VIT: variants seen among roughly 807,000 people sequenced by gnomAD.
VIT encodes the protein vitrin.
A neutral mutation model predicts 78.0 loss-of-function variants in VIT; 99 were observed. The observed-to-expected ratio is 1.27, with a 90% CI of 1.08 to 1.50. The LOEUF is 1.50. Ranked by LOEUF, VIT falls within the 40% of genes most tolerant of loss-of-function variation. VIT has a pLI of 0.00. For missense variants in VIT, 1,126 were observed against 875.3 expected (o/e 1.29, Z -3.61); for synonymous variants, 374 against 334.3 (o/e 1.12, Z -1.29).
chr2:36,699,626 G>GTAGATAGATAGATAGA lies in VIT; in HGVS notation c.-19+2680_-19+2695dup, dbSNP rs10530448. 3.1e-3 allele frequency among the ~76,000 whole-genome samples: 447 copies of GTAGATAGATAGATAGA among 141,962 alleles called. 3 individuals carry two copies. The highest frequency in any genetic ancestry group is 4.2e-3 in the East Asian group (20 of 4,728). The allele number at this position is 141,962 out of a possible 152,430, so 93.1% of individuals were successfully genotyped here. On this transcript the variant is annotated intron_variant, in intron 1 of 15. Transcript: ENST00000379242. Reference sequence around the variant, plus strand: ...GATATAGATATAGATAGATATATAGGTAGATAGATAGATAGATAGATAGAT... The same window carrying GTAGATAGATAGATAGA: ...GATATAGATATAGATAGATATATAGGTAGATAGATAGATAGATAGATAGATAGATAGATAGATAGAT...
At chr2:36,799,191 G>C (rs532917778) in intron 12 of VIT, among the ~76,000 whole-genome samples, 1 of 152,148 alleles carries the variant, frequency 6.6e-6, no homozygotes, top group Non-Finnish European at 1.5e-5. Flanking sequence ...TTGAGATAGA[G>C]AGCAGTTTGG....
rs1191264576 is a variant in VIT at position 36,814,398 on chromosome 2, AC to A, written c.*38del. On this transcript the variant is annotated 3_prime_UTR_variant, in exon 16 of 16. Transcript: ENST00000379242. ...GCAGAGCACCAGCAAGTGCTGCTTT[AC>A]TAACTGACGTGTTGGACCACCCCAC... is the stretch of plus-strand genomic sequence containing the variant. 2 of 1,609,520 alleles carry A rather than the reference AC, an allele frequency of 1.2e-6. No individual in the cohort carries two copies. The highest frequency in any genetic ancestry group is 2.2e-5 in the South Asian group (2 of 90,598).
chr2:36,812,743 A>C (rs1667268364), intron 15 of VIT, among the ~76,000 whole-genome samples: 1 of 152,068 alleles, frequency 6.6e-6, no homozygotes. Flanking sequence ...TGCTGACCCC[A>C]CATGCTCACT....
intron 1 of VIT, among the ~76,000 whole-genome samples, chr2:36,715,817 T>C (rs1451179258): frequency 6.6e-6 from 1 of 152,212 alleles, no homozygotes; most frequent in Non-Finnish European, 1.5e-5. Flanking sequence ...CATTCTCTTA[T>C]GCAATTTAAC....
At chr2:36,754,857 G>A (rs1668667362) in intron 4 of VIT, 64 bp from the exon 5 acceptor site, 16 of 1,553,304 alleles carry the variant, frequency 1.0e-5, no homozygotes, top group African/African-American at 1.4e-5. Flanking sequence ...TGGTTTTCTA[G>A]CCTGTTGATC....
intron 14 of VIT, among the ~76,000 whole-genome samples, chr2:36,806,571 G>A (rs1666743182): frequency 6.6e-6 from 1 of 151,906 alleles, no homozygotes; most frequent in African/African-American, 2.4e-5. Flanking sequence ...TTTTCAGACG[G>A]AGTCTCACTC....
intron 2 of VIT, among the ~76,000 whole-genome samples, chr2:36,727,430 C>T (rs557844116): frequency 2.6e-5 from 4 of 152,280 alleles, no homozygotes; most frequent in Admixed American, 2.0e-4. Flanking sequence ...AGACAGAGTA[C>T]AGGAAGGGCC....
chr2:36,774,186 T>C (rs1408301243), intron 8 of VIT, among the ~76,000 whole-genome samples: 1 of 152,064 alleles, frequency 6.6e-6, no homozygotes, highest in African/African-American at 2.4e-5. Context: ...CGAAGGGAAA[T>C]TTGTATCATC....
At chr2:36,770,092 C>T (rs999806445) in intron 7 of VIT, among the ~76,000 whole-genome samples, 1 of 152,190 alleles carries the variant, frequency 6.6e-6, no homozygotes, top group African/African-American at 2.4e-5. Flanking sequence ...GCAAAAGGTT[C>T]TAGAACTGGT....
At chr2:36,737,316 G>A (rs999826896) in intron 3 of VIT, among the ~76,000 whole-genome samples, 4 of 152,162 alleles carry the variant, frequency 2.6e-5, no homozygotes, top group Non-Finnish European at 5.9e-5. Flanking sequence ...CAGCTGGAAG[G>A]TGGATTAGGA....
intron 2 of VIT, among the ~76,000 whole-genome samples, chr2:36,728,996 G>A (rs1033705777): frequency 2.0e-5 from 3 of 151,944 alleles, no homozygotes; most frequent in Admixed American, 6.6e-5. Flanking sequence ...TTCATGCTAA[G>A]TGTCCTCTAA....
intron 13 of VIT, 121 bp downstream of exon 13, chr2:36,801,525 T>C (rs1280007728): frequency 2.2e-6 from 2 of 892,494 alleles, no homozygotes; most frequent in Non-Finnish European, 1.7e-6. Flanking sequence ...AAATAACTTC[T>C]GGTCGGGCGT....
chr2:36,771,957 T>A (rs1309647360), intron 7 of VIT, among the ~76,000 whole-genome samples: 2 of 152,168 alleles, frequency 1.3e-5, no homozygotes, highest in Admixed American at 1.3e-4. Flanking sequence ...CATGAGAGCA[T>A]GTACATCCCA....
intron 12 of VIT, among the ~76,000 whole-genome samples, chr2:36,798,724 A>G (rs1362808833): frequency 1.3e-5 from 2 of 152,170 alleles, no homozygotes; most frequent in African/African-American, 4.8e-5. Context: ...GAGCCACTGC[A>G]CTCCAGCCTG....
At chr2:36,802,902 C>G (rs1408788766) in intron 13 of VIT, among the ~76,000 whole-genome samples, 1 of 152,230 alleles carries the variant, frequency 6.6e-6, no homozygotes, top group African/African-American at 2.4e-5. Flanking sequence ...AAGAAGCAGA[C>G]TGTAGGCTGA....
chr2:36,809,399 T>G (rs1251195369), intron 15 of VIT, among the ~76,000 whole-genome samples: 2 of 152,184 alleles, frequency 1.3e-5, no homozygotes, highest in African/African-American at 4.8e-5. Context: ...ACCACCAACT[T>G]GTGTTAGTAA....
At chr2:36,697,633 T>C (rs181934331) in intron 1 of VIT, among the ~76,000 whole-genome samples, 104 of 152,370 alleles carry the variant, frequency 6.8e-4, no homozygotes, top group African/African-American at 2.4e-3. Flanking sequence ...ATGAAATCTC[T>C]TTTAAGTATG....
chr2:36,775,125 G>T, intron 9 of VIT, 58 bp downstream of exon 9: 1 of 1,596,786 alleles, frequency 6.3e-7, no homozygotes. Context: ...GTGGCACTTT[G>T]CAAACATGAG....
intron 3 of VIT, among the ~76,000 whole-genome samples, chr2:36,732,071 G>A (rs1189341255): frequency 6.6e-6 from 1 of 152,216 alleles, no homozygotes; most frequent in Non-Finnish European, 1.5e-5. Flanking sequence ...AAGAGGACCA[G>A]CCCTGGGGCA....
Sources: gnomAD v4.1 joint callset for allele counts (sites outside exome capture counted in the v4.1 genomes callset) on GRCh38, gnomAD v4.1.1 for gene constraint, MANE v1.5 for transcripts, NCBI Gene and HGNC (gene_info 2026-07-23, HGNC 2026-07-21) for gene names.